Variants in SGCD observed in about 807,000 individuals in gnomAD.
The protein encoded by SGCD is delta-sarcoglycan.
In SGCD, 18 loss-of-function variants were observed where a neutral mutation model predicts 36.6. The observed-to-expected ratio is 0.49, with a 90% CI of 0.34 to 0.73. SGCD has a LOEUF of 0.73. Ranked by LOEUF, SGCD falls within the 30% of genes least tolerant of loss-of-function variation. The pLI is 0.01. For synonymous variants in SGCD, 133 were observed against 130.6 expected (o/e 1.02, Z -0.12); for missense variants, 387 against 346.7 (o/e 1.12, Z -0.92).
chr5:156,305,771 G>C (rs1018760054), intron 3 of SGCD, among the ~76,000 whole-genome samples: 3 of 152,216 alleles, frequency 2.0e-5, no homozygotes, highest in Admixed American at 6.5e-5. Flanking sequence ...CAAAACCACA[G>C]GGCAGAGCTG....
intron 3 of SGCD, among the ~76,000 whole-genome samples, chr5:156,400,901 A>T (rs992184673): frequency 3.9e-5 from 6 of 152,238 alleles, no homozygotes; most frequent in Admixed American, 3.9e-4. Context: ...GAAGAACTGC[A>T]TTTGGCTCTT....
At chr5:156,402,156 C>T (rs1772187325) in intron 3 of SGCD, among the ~76,000 whole-genome samples, 1 of 152,182 alleles carries the variant, frequency 6.6e-6, no homozygotes, top group African/African-American at 2.4e-5. Flanking sequence ...TTTTGTTTAT[C>T]CTTTCATCTA....
chr5:156,160,970 T>A (rs1160222315), intron 3 of SGCD, among the ~76,000 whole-genome samples: 1 of 151,728 alleles, frequency 6.6e-6, no homozygotes, highest in African/African-American at 2.4e-5. Context: ...AGAGCAGCCA[T>A]AGACTATACG....
intron 3 of SGCD, among the ~76,000 whole-genome samples, chr5:156,227,304 T>TTATATAAGGTAAGAG (rs1764885143): frequency 6.6e-6 from 1 of 152,078 alleles, no homozygotes; most frequent in Middle Eastern, 3.2e-3. Context: ...GATCCAGTTT[T>TTATATAAGGTAAGAG]ATTCTCCTAT....
chr5:155,872,974 C>T (rs1755685687), intron 1 of SGCD, among the ~76,000 whole-genome samples: 2 of 152,182 alleles, frequency 1.3e-5, no homozygotes, highest in African/African-American at 4.8e-5. Context: ...TGGATATCCT[C>T]TTCACAGAAG....
chr5:156,605,066 A>G (rs1452688880), intron 6 of SGCD, among the ~76,000 whole-genome samples: 1 of 151,652 alleles, frequency 6.6e-6, no homozygotes, highest in Non-Finnish European at 1.5e-5. Context: ...TTTTATTATT[A>G]TACTTTAAGT....
intron 4 of SGCD, among the ~76,000 whole-genome samples, chr5:156,534,934 A>G (rs975594349): frequency 2.6e-5 from 4 of 152,124 alleles, no homozygotes; most frequent in Non-Finnish European, 5.9e-5. Context: ...TAGTTTGGTT[A>G]CTCCTATGTT....
chr5:156,100,717 T>A (rs542494634), intron 1 of SGCD, among the ~76,000 whole-genome samples: 1 of 152,298 alleles, frequency 6.6e-6, no homozygotes, highest in East Asian at 1.9e-4. Flanking sequence ...CAACCTGTAA[T>A]GGGTGAAGGA....
At chr5:155,831,065 A>G in the SGCD span, among the ~76,000 whole-genome samples, 2 of 152,230 alleles carry the variant, frequency 1.3e-5, no homozygotes, top group African/African-American at 4.8e-5. Flanking sequence ...TTGTGCAGAT[A>G]GGGAAATTGA....
At chr5:156,400,193 C>G (rs1772069469) in intron 3 of SGCD, among the ~76,000 whole-genome samples, 1 of 152,178 alleles carries the variant, frequency 6.6e-6, no homozygotes. Flanking sequence ...CCCAGAATTT[C>G]TGGTTCAATA....
At chr5:156,713,322 G>C (rs925431490) in intron 7 of SGCD, among the ~76,000 whole-genome samples, 1 of 151,792 alleles carries the variant, frequency 6.6e-6, no homozygotes, top group Non-Finnish European at 1.5e-5. Flanking sequence ...AGTTATACAC[G>C]AAGAGTGAGA....
chr5:156,601,067 T>G (rs945366503), intron 6 of SGCD, among the ~76,000 whole-genome samples: 15 of 152,208 alleles, frequency 9.9e-5, no homozygotes, highest in African/African-American at 3.6e-4. Context: ...AGATGTATAG[T>G]TTGTCAACAT....
chr5:156,379,431 T>A (rs1227737640), intron 3 of SGCD, among the ~76,000 whole-genome samples: 1 of 152,116 alleles, frequency 6.6e-6, no homozygotes, highest in Non-Finnish European at 1.5e-5. Context: ...GAACACGCCA[T>A]ATGGATGGTG....
At chr5:156,279,297 T>C (rs1766389658) in intron 3 of SGCD, among the ~76,000 whole-genome samples, 1 of 152,120 alleles carries the variant, frequency 6.6e-6, no homozygotes, top group African/African-American at 2.4e-5. Flanking sequence ...ATGTGACAAA[T>C]CAAATACAGA....
At chr5:155,972,044 T>TCATTCTTA (rs1758015978) in intron 1 of SGCD, among the ~76,000 whole-genome samples, 1 of 152,174 alleles carries the variant, frequency 6.6e-6, no homozygotes, top group Non-Finnish European at 1.5e-5. Flanking sequence ...TGCTATTGGT[T>TCATTCTTA]AGGAATAGAA....
At chr5:155,821,295 G>C in the SGCD span, among the ~76,000 whole-genome samples, 1 of 151,988 alleles carries the variant, frequency 6.6e-6, no homozygotes, top group Non-Finnish European at 1.5e-5. Flanking sequence ...TTATGTACAA[G>C]AACAGTCATT....
chr5:155,871,423 GA>G (rs1755653523), intron 1 of SGCD, among the ~76,000 whole-genome samples: 1 of 152,062 alleles, frequency 6.6e-6, no homozygotes, highest in Non-Finnish European at 1.5e-5. Flanking sequence ...AACTTTATTA[GA>G]GATTTGTGAC....
At chr5:156,174,261 G>A (rs1237915381) in intron 3 of SGCD, among the ~76,000 whole-genome samples, 1 of 152,198 alleles carries the variant, frequency 6.6e-6, no homozygotes, top group Admixed American at 6.5e-5. Flanking sequence ...GAGGGGAGAG[G>A]CTTACTTTAG....
chr5:156,177,161 C>T (rs1048603733), intron 3 of SGCD, among the ~76,000 whole-genome samples: 39 of 152,100 alleles, frequency 2.6e-4, no homozygotes, highest in Middle Eastern at 6.8e-3. Context: ...GCCACCATGC[C>T]CAGCTAATTT....
Sources: gnomAD v4.1 joint callset for allele counts (sites outside exome capture counted in the v4.1 genomes callset) on GRCh38, gnomAD v4.1.1 for gene constraint, MANE v1.5 for transcripts, NCBI Gene and HGNC (gene_info 2026-07-23, HGNC 2026-07-21) for gene names.